The following ZBTB16 variants were observed in gnomAD, a reference collection of about 807,000 sequenced individuals.
ZBTB16 encodes zinc finger and BTB domain-containing protein 16.
Under a neutral mutation model 56.8 loss-of-function variants are expected in ZBTB16, and 8 were observed. That is an observed-to-expected ratio of 0.14 (90% CI 0.08 to 0.25). The LOEUF (loss-of-function observed/expected upper bound fraction) is 0.25. ZBTB16 is among the 10% of genes least tolerant of loss of function. The pLI is 1.00. For synonymous variants in ZBTB16, 363 were observed against 368.5 expected (o/e 0.98, Z 0.17); for missense variants, 625 against 903.0 (o/e 0.69, Z 3.95).
chr11:114,249,788 A>AAAAAAAG (rs909350435), intron 6 of ZBTB16, among the ~76,000 whole-genome samples: 1 of 148,500 alleles, frequency 6.7e-6, no homozygotes, highest in Non-Finnish European at 1.5e-5. Flanking sequence ...AAAAAAAAAA[A>AAAAAAAG]AGAGAGCTTT....
At chr11:114,235,682 CTTTCTTTCTTTTCTTTCTTTCT>C (rs1944561058) in intron 4 of ZBTB16, among the ~76,000 whole-genome samples, 1 of 36,078 alleles carries the variant, frequency 2.8e-5, no homozygotes, top group Non-Finnish European at 7.0e-5. Context: ...TTCTTTCTTT[CTTTCTTTCTTTTCTTTCTTTCT>C]TTTCTTTCTT....
chr11:114,236,073 T>C (rs1354186166), intron 4 of ZBTB16, among the ~76,000 whole-genome samples: 1 of 152,138 alleles, frequency 6.6e-6, no homozygotes, highest in Non-Finnish European at 1.5e-5. Flanking sequence ...GAGTCCAGGC[T>C]AAGACTGAGT....
chr11:114,156,782 A>T (rs906914076), intron 3 of ZBTB16, among the ~76,000 whole-genome samples: 3 of 152,256 alleles, frequency 2.0e-5, no homozygotes, highest in Admixed American at 6.5e-5. Context: ...GGTTCACATT[A>T]TACAGGAGCC....
At chr11:114,183,733 T>G (rs921194234) in intron 3 of ZBTB16, among the ~76,000 whole-genome samples, 2 of 152,196 alleles carry the variant, frequency 1.3e-5, no homozygotes, top group African/African-American at 4.8e-5. Flanking sequence ...CTGGGGGCAG[T>G]TTCTAATTGT....
intron 2 of ZBTB16, among the ~76,000 whole-genome samples, chr11:114,107,631 C>A (rs977556959): frequency 2.0e-5 from 3 of 152,170 alleles, no homozygotes; most frequent in African/African-American, 7.2e-5. Flanking sequence ...AGATTATTTT[C>A]TTTTCCCAGG....
At chr11:114,099,512 G>A (rs1279360887) in intron 2 of ZBTB16, among the ~76,000 whole-genome samples, 1 of 151,930 alleles carries the variant, frequency 6.6e-6, no homozygotes, top group Non-Finnish European at 1.5e-5. Context: ...TGGGAAACAT[G>A]CATTTTAATC....
intron 2 of ZBTB16, among the ~76,000 whole-genome samples, chr11:114,125,405 G>A (rs1941477667): frequency 6.6e-6 from 1 of 152,198 alleles, no homozygotes; most frequent in South Asian, 2.1e-4. Context: ...GTAGGAGACA[G>A]GTGGTATTAT....
chr11:114,224,088 G>A (rs1368963657), intron 4 of ZBTB16, among the ~76,000 whole-genome samples: 1 of 152,194 alleles, frequency 6.6e-6, no homozygotes, highest in Non-Finnish European at 1.5e-5. Flanking sequence ...TTAATCAGGG[G>A]AGGGACATCA....
intron 2 of ZBTB16, among the ~76,000 whole-genome samples, chr11:114,116,053 T>C (rs917255855): frequency 5.9e-5 from 9 of 152,168 alleles, no homozygotes; most frequent in Non-Finnish European, 2.9e-5. Flanking sequence ...GCAAGAAAAT[T>C]TTCATTTCAA....
At chr11:114,198,574 A>G (rs550282882) in intron 4 of ZBTB16, among the ~76,000 whole-genome samples, 1 of 152,260 alleles carries the variant, frequency 6.6e-6, no homozygotes, top group South Asian at 2.1e-4. Flanking sequence ...TCTTTTTTAA[A>G]TTAATAAATT....
chr11:114,069,173 C>T (rs1939236403), intron 2 of ZBTB16, among the ~76,000 whole-genome samples: 1 of 152,220 alleles, frequency 6.6e-6, no homozygotes, highest in Admixed American at 6.5e-5. Flanking sequence ...GCAAGCTCTG[C>T]CTCCCAGGTT....
chr11:114,193,058 A>G (rs1202561253), intron 4 of ZBTB16, among the ~76,000 whole-genome samples: 1 of 152,206 alleles, frequency 6.6e-6, no homozygotes, highest in East Asian at 1.9e-4. Flanking sequence ...ACTCAGGCAC[A>G]TGCCCTGTTC....
At chr11:114,201,885 A>T (rs927353474) in intron 4 of ZBTB16, among the ~76,000 whole-genome samples, 10 of 152,264 alleles carry the variant, frequency 6.6e-5, no homozygotes, top group African/African-American at 1.9e-4. Flanking sequence ...AATTTTAAAA[A>T]TTAAAGTCAC....
At chr11:114,152,601 G>C (rs1267303735) in intron 2 of ZBTB16, among the ~76,000 whole-genome samples, 1 of 152,204 alleles carries the variant, frequency 6.6e-6, no homozygotes. Flanking sequence ...CTGTTCCCCA[G>C]GAATGGAGAG....
At chr11:114,082,132 A>T (rs969346719) in intron 2 of ZBTB16, among the ~76,000 whole-genome samples, 1 of 150,726 alleles carries the variant, frequency 6.6e-6, no homozygotes, top group African/African-American at 2.4e-5. Flanking sequence ...AAAAAAAAAA[A>T]TTAAAAATGC....
At chr11:114,152,520 A>C (rs1283994836) in intron 2 of ZBTB16, among the ~76,000 whole-genome samples, 1 of 152,238 alleles carries the variant, frequency 6.6e-6, no homozygotes, top group Non-Finnish European at 1.5e-5. Flanking sequence ...CTTTTTGGAC[A>C]TAAGTGAAAA....
chr11:114,071,607 ATT>A (rs1191352666), intron 2 of ZBTB16, among the ~76,000 whole-genome samples: 1 of 152,070 alleles, frequency 6.6e-6, no homozygotes, highest in Non-Finnish European at 1.5e-5. Context: ...AATCACTTTA[ATT>A]TTTTTTATTA....
intron 3 of ZBTB16, among the ~76,000 whole-genome samples, chr11:114,163,823 A>G (rs1203667183): frequency 6.6e-6 from 1 of 152,086 alleles, no homozygotes; most frequent in Non-Finnish European, 1.5e-5. Flanking sequence ...CCCCATCCCA[A>G]TTTATTCTAT....
intron 2 of ZBTB16, among the ~76,000 whole-genome samples, chr11:114,140,510 TC>T (rs1452657599): frequency 6.6e-6 from 1 of 152,232 alleles, no homozygotes; most frequent in Non-Finnish European, 1.5e-5. Flanking sequence ...GAGACCTGTC[TC>T]CTAGCCATGT....
Sources: gnomAD v4.1 joint callset for allele counts (sites outside exome capture counted in the v4.1 genomes callset) on GRCh38, gnomAD v4.1.1 for gene constraint, MANE v1.5 for transcripts, NCBI Gene and HGNC (gene_info 2026-07-23, HGNC 2026-07-21) for gene names.